TRDN: variants seen among roughly 807,000 people sequenced by gnomAD.
TRDN encodes triadin, also known as triadin in skeletal muscle.
In TRDN, 161 loss-of-function variants were observed where a neutral mutation model predicts 149.7. The observed-to-expected ratio is 1.08, with a 90% CI of 0.95 to 1.23. The LOEUF is 1.23. Among genes scored for constraint, TRDN ranks in the 50% most tolerant of loss-of-function variants. The pLI is 0.00. For synonymous variants in TRDN, 294 were observed against 250.5 expected (o/e 1.17, Z -1.64); for missense variants, 896 against 823.5 (o/e 1.09, Z -1.08).
Position 123,388,517 on chromosome 6 carries a change from C to T in TRDN, c.1135+5G>A. 6.3e-7 allele frequency: 1 copy of T among 1,586,384 alleles called. No individual in the cohort carries two copies. The highest frequency in any genetic ancestry group is 8.6e-7 in the Non-Finnish European group (1 of 1,164,108). ...AGGCTCAGTGGGATTTTGCATAAAA[C>T]ATACCTTCCTTCTTTTCATCCTTCT... is the stretch of plus-strand genomic sequence containing the variant. On this transcript the variant is annotated splice_donor_5th_base_variant and intron_variant, in intron 14 of 40. Transcript: ENST00000334268.
intron 1 of TRDN, among the ~76,000 whole-genome samples, chr6:123,616,381 A>G (rs1175770991): frequency 6.7e-6 from 1 of 148,782 alleles, no homozygotes; most frequent in Non-Finnish European, 1.5e-5. Context: ...ATTATTTATA[A>G]AGCAGGTTTG....
intron 9 of TRDN, among the ~76,000 whole-genome samples, chr6:123,493,755 A>G (rs1477269554): frequency 6.6e-6 from 1 of 152,176 alleles, no homozygotes; most frequent in East Asian, 1.9e-4. Flanking sequence ...ACTTGGCAAG[A>G]ATTGTCTTAT....
Position 123,218,395 on chromosome 6 carries a change from T to C in TRDN, c.*206A>G, listed in dbSNP as rs1775020681. 4 of 519,428 alleles carry C rather than the reference T, an allele frequency of 7.7e-6. No homozygotes were observed. The highest frequency in any genetic ancestry group is 1.3e-5 in the Non-Finnish European group (4 of 296,462). 32.2% of individuals were successfully genotyped at this position (519,428 alleles called of 1,614,324 possible). On this transcript the variant is annotated 3_prime_UTR_variant, in exon 41 of 41. Transcript: ENST00000334268. Reference sequence around the variant, plus strand: ...CCCCTCCCACCGCAGCAAACACACATAACAGATTCTTGAGACTTAGACCCT... The same window carrying C: ...CCCCTCCCACCGCAGCAAACACACACAACAGATTCTTGAGACTTAGACCCT...
intron 21 of TRDN, chr6:123,350,890 A>C (rs1780438059): frequency 1.0e-6 from 1 of 983,768 alleles, no homozygotes; most frequent in South Asian, 4.7e-5. Context: ...AATCATCTGA[A>C]GGAGTAAGAT....
intron 12 of TRDN, among the ~76,000 whole-genome samples, chr6:123,436,740 C>T (rs769498685): frequency 3.3e-5 from 5 of 152,122 alleles, no homozygotes; most frequent in Non-Finnish European, 7.3e-5. Flanking sequence ...AGCTTACCTA[C>T]CACCTCATGT....
At chr6:123,389,295 A>G (rs1782021052) in intron 13 of TRDN, 2 of 152,170 alleles carry the variant, frequency 1.3e-5, no homozygotes, top group Non-Finnish European at 2.9e-5. Context: ...CAGGAGCCAA[A>G]ATCATTCAGG....
chr6:123,624,794 C>T (rs976016453), intron 1 of TRDN, among the ~76,000 whole-genome samples: 3 of 151,898 alleles, frequency 2.0e-5, no homozygotes, highest in Admixed American at 1.3e-4. Context: ...CTCAAAGTAG[C>T]GTATGTGGGG....
chr6:123,612,374 C>T (rs979904369), intron 1 of TRDN, among the ~76,000 whole-genome samples: 1 of 150,696 alleles, frequency 6.6e-6, no homozygotes, highest in Non-Finnish European at 1.5e-5. Context: ...CAAACCTGCA[C>T]GTTGTGCACA....
chr6:123,619,867 A>G, intron 1 of TRDN, among the ~76,000 whole-genome samples: 1 of 152,168 alleles, frequency 6.6e-6, no homozygotes, highest in Non-Finnish European at 1.5e-5. Flanking sequence ...CAGATAAAAA[A>G]ACAGAACCCT....
At chr6:123,241,907 G>A (rs565144097) in intron 38 of TRDN, among the ~76,000 whole-genome samples, 32 of 151,838 alleles carry the variant, frequency 2.1e-4, no homozygotes, top group Admixed American at 4.6e-4. Context: ...TTAAACCTCC[G>A]CATACAATAA....
intron 12 of TRDN, among the ~76,000 whole-genome samples, chr6:123,396,582 C>T (rs2083090561): frequency 6.6e-6 from 1 of 152,102 alleles, no homozygotes; most frequent in Non-Finnish European, 1.5e-5. Flanking sequence ...GCATAATTCA[C>T]TTGGGGGTGT....
intron 34 of TRDN, among the ~76,000 whole-genome samples, chr6:123,259,902 C>A (rs1582789351): frequency 6.6e-6 from 1 of 151,622 alleles, no homozygotes; most frequent in East Asian, 1.9e-4. Flanking sequence ...ACTCCTCTTC[C>A]TTCTTCTTTT....
chr6:123,381,444 A>C (rs969856505), intron 15 of TRDN, 54 bp from the exon 16 acceptor site: 18 of 1,485,440 alleles, frequency 1.2e-5, no homozygotes, highest in Non-Finnish European at 1.7e-5. Flanking sequence ...GATAAAACGT[A>C]CTACCCTACA....
intron 1 of TRDN, among the ~76,000 whole-genome samples, chr6:123,578,294 T>A (rs1009717276): frequency 1.3e-5 from 2 of 152,186 alleles, no homozygotes; most frequent in Admixed American, 1.3e-4. Flanking sequence ...TAATCCATCT[T>A]GAGTTGATTT....
At chr6:123,622,991 C>T (rs1409669557) in intron 1 of TRDN, among the ~76,000 whole-genome samples, 2 of 151,994 alleles carry the variant, frequency 1.3e-5, no homozygotes, top group Non-Finnish European at 2.9e-5. Context: ...TTCACTTTAC[C>T]CATCAGAACT....
At chr6:123,310,452 A>G (rs1422943831) in intron 24 of TRDN, among the ~76,000 whole-genome samples, 1 of 152,144 alleles carries the variant, frequency 6.6e-6, no homozygotes, top group Non-Finnish European at 1.5e-5. Context: ...CCTTGTACTT[A>G]TTGCAAAATA....
chr6:123,430,518 G>C lies in TRDN; in HGVS notation c.1051+7545C>G, dbSNP rs537629406. 1.3e-4 allele frequency among the ~76,000 whole-genome samples: 20 copies of C among 152,014 alleles called. No individual in the cohort carries two copies. In the South Asian group the frequency reaches 3.7e-3, roughly 28 times the overall value. On this transcript the variant is annotated intron_variant, in intron 12 of 40. Coordinates refer to ENST00000334268, the MANE Select transcript of TRDN (RefSeq NM_006073.4). The stretch of plus-strand genomic sequence containing the variant: ...AACTGCATGAACACGGGAGGCGGAG[G>C]TTGCAGTAAGCCGAGATCGCGCCAC...
At chr6:123,234,739 C>A (rs996849044) in intron 38 of TRDN, among the ~76,000 whole-genome samples, 1 of 152,086 alleles carries the variant, frequency 6.6e-6, no homozygotes, top group East Asian at 1.9e-4. Context: ...TGTTGAAGGA[C>A]TGGGTTTAGA....
chr6:123,453,425 A>G (rs1242199068), intron 10 of TRDN, among the ~76,000 whole-genome samples: 1 of 152,110 alleles, frequency 6.6e-6, no homozygotes, highest in Admixed American at 6.6e-5. Flanking sequence ...AAAACAGACA[A>G]TCTCATCAAA....
Sources: gnomAD v4.1 joint callset for allele counts (sites outside exome capture counted in the v4.1 genomes callset) on GRCh38, gnomAD v4.1.1 for gene constraint, MANE v1.5 for transcripts, NCBI Gene and HGNC (gene_info 2026-07-23, HGNC 2026-07-21) for gene names.